TRIM33: variants seen among roughly 807,000 people sequenced by gnomAD.
TRIM33 encodes tripartite motif containing 33, also known as E3 ubiquitin-protein ligase TRIM33.
A neutral mutation model predicts 125.4 loss-of-function variants in TRIM33; 20 were observed. That is an observed-to-expected ratio of 0.16 (90% CI 0.11 to 0.23). The LOEUF is 0.23. TRIM33 is among the 10% of genes least tolerant of loss of function. The pLI is 1.00. For synonymous variants in TRIM33, 564 were observed against 513.9 expected (o/e 1.10, Z -1.32); for missense variants, 920 against 1,411.4 (o/e 0.65, Z 5.58).
intron 11 of TRIM33, 48 bp downstream of exon 11, chr1:114,421,388 G>T (rs572903025): frequency 1.3e-6 from 2 of 1,502,200 alleles, no homozygotes; most frequent in Non-Finnish European, 1.9e-6. Context: ...CTCTAACTCT[G>T]TAATTAACAT....
At chr1:114,505,508 T>A (rs1283990640) in intron 1 of TRIM33, among the ~76,000 whole-genome samples, 1 of 146,556 alleles carries the variant, frequency 6.8e-6, no homozygotes, top group East Asian at 1.9e-4. Context: ...TCAGAGGTTT[T>A]CCCTCCCACT....
At position 114,425,493 on chromosome 1, in the gene TRIM33, G is replaced by GTGT. The variant is rs755284931; in HGVS notation, c.1648_1650dup (p.Thr550dup). On this transcript the variant is annotated inframe_insertion, in exon 9 of 20. Transcript: ENST00000358465. ...GGGGCTGCTTGTCTAGGATGCTGTT[G>GTGT]TGTTGTTGTTGTTGTAGTTGGTACA... 3.7e-5 allele frequency: 60 copies of GTGT among 1,613,978 alleles called. No homozygotes were observed. The Middle Eastern group carries it at 8.2e-4, about 22-fold the overall frequency.
At chr1:114,467,541 T>A (rs780726890) in intron 1 of TRIM33, among the ~76,000 whole-genome samples, 7 of 151,984 alleles carry the variant, frequency 4.6e-5, no homozygotes, top group Non-Finnish European at 7.4e-5. Flanking sequence ...TATTTACAAG[T>A]CAAGCAGAAG....
intron 18 of TRIM33, 83 bp from the exon 19 acceptor site, chr1:114,398,073 GAA>G: frequency 6.2e-6 from 9 of 1,444,078 alleles, no homozygotes; most frequent in Non-Finnish European, 8.5e-6. Context: ...GATTGGCGAC[GAA>G]AAGTCAGCCA....
rs1651615051 is a variant in TRIM33, at chr1:114,397,602, T to TTTC, written c.*45_*46insGAA. Reference sequence around the variant, plus strand: ...TGGGTTTTTTGTGTTTTTTTTTTTTTTTTCGTTTTTTTTTTTTTAAACAAT... The same window carrying TTTC: ...TGGGTTTTTTGTGTTTTTTTTTTTTTTTCTTTCGTTTTTTTTTTTTTAAACAAT... On this transcript the variant is annotated 3_prime_UTR_variant, in exon 20 of 20. Coordinates refer to ENST00000358465, the MANE Select transcript of TRIM33 (RefSeq NM_015906.4). The TTTC allele has an allele frequency of 3.5e-6, 4 of 1,155,252 alleles. No individual in the cohort carries two copies. Among genetic ancestry groups the TTTC allele is most frequent in the African/African-American group, 1.6e-5 (1 of 61,860 alleles). 71.6% of individuals were successfully genotyped at this position (1,155,252 alleles called of 1,614,324 possible).
intron 11 of TRIM33, among the ~76,000 whole-genome samples, chr1:114,413,155 CAT>C (rs1232319809): frequency 2.6e-5 from 4 of 152,184 alleles, no homozygotes; most frequent in Non-Finnish European, 4.4e-5. Flanking sequence ...TTAATAGTAA[CAT>C]GTGAGAGATA....
At chr1:114,495,687 CAGAGA>C (rs1029333109) in intron 1 of TRIM33, among the ~76,000 whole-genome samples, 24 of 151,970 alleles carry the variant, frequency 1.6e-4, no homozygotes, top group Non-Finnish European at 2.9e-4. Context: ...GGAAGGAAAA[CAGAGA>C]AGAGAAAATT....
intron 1 of TRIM33, among the ~76,000 whole-genome samples, chr1:114,469,561 T>C (rs1321886079): frequency 1.3e-5 from 2 of 152,124 alleles, no homozygotes; most frequent in Non-Finnish European, 2.9e-5. Context: ...TTAGTTCTTA[T>C]AACAGAGCAA....
intron 8 of TRIM33, among the ~76,000 whole-genome samples, chr1:114,426,267 G>A (rs1230230237): frequency 6.6e-6 from 1 of 152,162 alleles, no homozygotes; most frequent in Non-Finnish European, 1.5e-5. Flanking sequence ...TTAGGAAGAT[G>A]TGATTTAAGG....
At chr1:114,461,560 CATT>C (rs1650004064) in intron 4 of TRIM33, among the ~76,000 whole-genome samples, 1 of 151,670 alleles carries the variant, frequency 6.6e-6, no homozygotes, top group East Asian at 1.9e-4. Flanking sequence ...AGAAAAAAAA[CATT>C]TTTTTTAAAT....
chr1:114,397,599 T>C lies in TRIM33; in HGVS notation c.*49A>G. 1.8e-6 allele frequency: 2 copies of C among 1,099,518 alleles called. 1 individual carries two copies. Among genetic ancestry groups the C allele is most frequent in the Non-Finnish European group, 2.6e-6 (2 of 764,134 alleles). 68.1% of individuals were successfully genotyped at this position (1,099,518 alleles called of 1,614,324 possible). On this transcript the variant is annotated 3_prime_UTR_variant, in exon 20 of 20. Coordinates refer to ENST00000358465, the MANE Select transcript of TRIM33 (RefSeq NM_015906.4). ...TTCTGGGTTTTTTGTGTTTTTTTTT[T>C]TTTTTTCGTTTTTTTTTTTTTAAAC...
At chr1:114,465,531 G>T (rs1331630445) in intron 1 of TRIM33, among the ~76,000 whole-genome samples, 1 of 152,166 alleles carries the variant, frequency 6.6e-6, no homozygotes, top group Non-Finnish European at 1.5e-5. Flanking sequence ...CTAAAAGAAG[G>T]GTGAGGTGGC....
intron 11 of TRIM33, among the ~76,000 whole-genome samples, chr1:114,414,120 T>C (rs1371165713): frequency 6.6e-6 from 1 of 151,828 alleles, no homozygotes; most frequent in Non-Finnish European, 1.5e-5. Context: ...TGAAAGGATG[T>C]ACACCAATTG....
chr1:114,493,152 G>A (rs191665207), intron 1 of TRIM33, among the ~76,000 whole-genome samples: 8 of 152,236 alleles, frequency 5.3e-5, no homozygotes, highest in African/African-American at 1.9e-4. Context: ...AATAACAAAC[G>A]ATCTAGTGTA....
At chr1:114,508,678 CA>C (rs1198880046) in intron 1 of TRIM33, among the ~76,000 whole-genome samples, 1 of 152,086 alleles carries the variant, frequency 6.6e-6, no homozygotes, top group African/African-American at 2.4e-5. Flanking sequence ...ATCCACCAAA[CA>C]AAAAATGTGG....
chr1:114,466,678 A>T lies in TRIM33; in HGVS notation c.527-2290T>A, dbSNP rs1027376346. On this transcript the variant is annotated intron_variant, in intron 1 of 19. Coordinates refer to ENST00000358465, the MANE Select transcript of TRIM33 (RefSeq NM_015906.4). The stretch of plus-strand genomic sequence containing the variant: ...CAATACTCCCAGTGTATTGTCCCAC[A>T]TTGTTGCTGGGGACATCTGAAAGCA... Among the ~76,000 whole-genome samples the T allele has an allele frequency of 5.3e-4, 81 of 152,174 alleles. 1 individual carries two copies. The highest frequency in any genetic ancestry group is 2.1e-4 in the Non-Finnish European group (14 of 68,036).
intron 4 of TRIM33, among the ~76,000 whole-genome samples, chr1:114,448,223 G>C (rs1402233623): frequency 6.6e-6 from 1 of 152,194 alleles, no homozygotes; most frequent in Non-Finnish European, 1.5e-5. Flanking sequence ...GCTTTCTAAA[G>C]GAAGAGAGTT....
In TRIM33 at chr1:114,490,113, A is replaced by G. The variant is rs1325811941; in HGVS notation, c.526+20438T>C. 8.8e-4 allele frequency among the ~76,000 whole-genome samples: 131 copies of G among 148,500 alleles called. 1 individual carries two copies. The highest frequency in any genetic ancestry group is 3.1e-3 in the African/African-American group (125 of 40,388). On this transcript the variant is annotated intron_variant, in intron 1 of 19. Transcript: ENST00000358465. ...AAAAAAAAAAAAAAAAAGAAAAGGA[A>G]AGGAAAGAAAAAAGAAAGACAAGAA... is the stretch of plus-strand genomic sequence containing the variant.
At chr1:114,408,879 G>A (rs1205358155) in intron 12 of TRIM33, 139 bp from the exon 13 acceptor site, 8 of 596,020 alleles carry the variant, frequency 1.3e-5, no homozygotes, top group South Asian at 1.0e-4. Context: ...AGTCAGGGAC[G>A]CATGTGTAAC....
Sources: allele counts gnomAD v4.1 joint callset (sites outside exome capture counted in the v4.1 genomes callset), GRCh38; gene constraint gnomAD v4.1.1; transcripts MANE v1.5; gene names NCBI Gene and HGNC (gene_info 2026-07-23, HGNC 2026-07-21).